The following COL4A2 variants were observed in gnomAD, a reference collection of about 807,000 sequenced individuals.
COL4A2 encodes collagen alpha-2(IV) chain.
In COL4A2, 99 loss-of-function variants were observed where a neutral mutation model predicts 200.2. That is an observed-to-expected ratio of 0.49 (90% CI 0.42 to 0.58). The LOEUF is 0.58. Among genes scored for constraint, COL4A2 ranks in the 20% least tolerant of loss-of-function variants. The pLI, the probability that COL4A2 is intolerant of heterozygous loss-of-function variation, is 0.00. For synonymous variants in COL4A2, 897 were observed against 900.6 expected, an observed-to-expected ratio of 1.00 and a Z score of 0.07; for missense variants, 1,950 against 2,314.1, an observed-to-expected ratio of 0.84 and a Z score of 3.23.
rs376291672 is a variant in COL4A2 at position 110,430,817 on chromosome 13, A to G, written c.648+210A>G. 768 of 815,454 alleles carry G rather than the reference A, an allele frequency of 9.4e-4. 11 individuals carry two copies. Among genetic ancestry groups the G allele is most frequent in the South Asian group, 9.2e-3 (691 of 75,058 alleles). The allele number at this position is 815,454 out of a possible 1,614,324, so 50.5% of individuals were successfully genotyped here. On this transcript the variant is annotated intron_variant, in intron 10 of 47. Coordinates refer to ENST00000360467, the MANE Select transcript of COL4A2 (RefSeq NM_001846.4). Reference sequence around the variant, plus strand: ...AGAATAAGGGCTTAAAATTATGGTCACCAGCTCTCTGCCAGTTATGTCAAA... The same window carrying G: ...AGAATAAGGGCTTAAAATTATGGTCGCCAGCTCTCTGCCAGTTATGTCAAA...
intron 3 of COL4A2, among the ~76,000 whole-genome samples, chr13:110,331,981 C>T (rs754752929): frequency 1.3e-4 from 20 of 152,172 alleles, no homozygotes; most frequent in South Asian, 2.1e-4. Context: ...CTGATGCCTA[C>T]GTTTTATTGT....
intron 13 of COL4A2, among the ~76,000 whole-genome samples, chr13:110,437,692 A>G (rs1055551775): frequency 6.6e-6 from 1 of 152,198 alleles, no homozygotes; most frequent in African/African-American, 2.4e-5. Flanking sequence ...CTCCCACCAT[A>G]CGGATGTAAA....
At chr13:110,332,820 G>A (rs1159489992) in intron 3 of COL4A2, among the ~76,000 whole-genome samples, 1 of 152,206 alleles carries the variant, frequency 6.6e-6, no homozygotes, top group African/African-American at 2.4e-5. Flanking sequence ...TGCATCAACA[G>A]TATTCTCAAA....
intron 4 of COL4A2, among the ~76,000 whole-genome samples, chr13:110,411,481 CAG>C (rs1879835581): frequency 6.6e-6 from 1 of 152,172 alleles, no homozygotes; most frequent in African/African-American, 2.4e-5. Flanking sequence ...TAAAAAGTAA[CAG>C]AAATGGCTTG....
chr13:110,355,325 G>C (rs1877151755), intron 3 of COL4A2, among the ~76,000 whole-genome samples: 2 of 117,050 alleles, frequency 1.7e-5, no homozygotes, highest in South Asian at 4.3e-4. Context: ...CTGTGTGTGG[G>C]AGAGGGCTGC....
At chr13:110,457,991 G>T in intron 21 of COL4A2, 1 of 404,782 alleles carries the variant, frequency 2.5e-6, no homozygotes. Context: ...CTAGCTCGAG[G>T]CCGTCCTCTG....
At chr13:110,497,263 C>G (rs1018207382) in intron 40 of COL4A2, among the ~76,000 whole-genome samples, 11 of 151,864 alleles carry the variant, frequency 7.2e-5, no homozygotes, top group Non-Finnish European at 7.4e-5. Flanking sequence ...ACCAGCACAG[C>G]CTCACTCAGG....
At chr13:110,358,779 T>C (rs1877392848) in intron 4 of COL4A2, among the ~76,000 whole-genome samples, 1 of 152,246 alleles carries the variant, frequency 6.6e-6, no homozygotes, top group South Asian at 2.1e-4. Context: ...CATACTTTGC[T>C]AAGAAATTTA....
chr13:110,512,411 G>A lies in COL4A2; in HGVS notation c.*220G>A. On this transcript the variant is annotated 3_prime_UTR_variant, in exon 48 of 48. Coordinates refer to ENST00000360467, the MANE Select transcript of COL4A2 (RefSeq NM_001846.4). Reference sequence around the variant, plus strand: ...AAGCCCTGCCCACAGAAAGCCAGGAGCAGCCCTGGCCCCCATCAGCCCTGC... The same window carrying A: ...AAGCCCTGCCCACAGAAAGCCAGGAACAGCCCTGGCCCCCATCAGCCCTGC... 1 of 745,776 alleles carries A rather than the reference G, an allele frequency of 1.3e-6. No individual in the cohort carries two copies. Among genetic ancestry groups the A allele is most frequent in the Non-Finnish European group, 2.1e-6 (1 of 475,652 alleles). The allele number at this position is 745,776 out of a possible 1,614,324, so 46.2% of individuals were successfully genotyped here.
chr13:110,334,223 C>T (rs868667349), intron 3 of COL4A2, among the ~76,000 whole-genome samples: 3 of 152,234 alleles, frequency 2.0e-5, no homozygotes, highest in African/African-American at 4.8e-5. Context: ...ACAGTAAAAT[C>T]GGCCTTCTTG....
At chr13:110,349,908 C>G (rs190350075) in intron 3 of COL4A2, among the ~76,000 whole-genome samples, 1 of 152,070 alleles carries the variant, frequency 6.6e-6, no homozygotes, top group Non-Finnish European at 1.5e-5. Context: ...GTATTACAAG[C>G]GTGAGCCACC....
chr13:110,484,769 C>A, intron 32 of COL4A2, 136 bp from the exon 33 acceptor site: 1 of 1,265,026 alleles, frequency 7.9e-7, no homozygotes, highest in Non-Finnish European at 1.0e-6. Flanking sequence ...GCTTCTCCGG[C>A]GCCCTTGGTC....
intron 31 of COL4A2, among the ~76,000 whole-genome samples, chr13:110,481,070 T>C (rs1306421664): frequency 1.5e-4 from 12 of 77,978 alleles, no homozygotes; most frequent in Non-Finnish European, 2.1e-4. Context: ...AGACACACTG[T>C]TCTGTCCCTC....
At chr13:110,317,438 T>C (rs4773154) in intron 3 of COL4A2, among the ~76,000 whole-genome samples, 96,579 of 151,958 alleles carry the variant, frequency 0.64, 31,352 homozygotes, top group Middle Eastern at 0.82. Context: ...GTTTCTTTCT[T>C]CATGGGAGCA....
chr13:110,411,987 G>GAAC (rs1879861008), intron 4 of COL4A2, among the ~76,000 whole-genome samples: 1 of 152,200 alleles, frequency 6.6e-6, no homozygotes, highest in African/African-American at 2.4e-5. Context: ...TCCGAACAGT[G>GAAC]AACAGTCTAG....
rs1245116346 is a variant in COL4A2, at chr13:110,355,456, G to T, written c.100-2016G>T. Among the ~76,000 whole-genome samples, 250 of 111,550 alleles carry T rather than the reference G, an allele frequency of 2.2e-3. 3 individuals carry two copies. The highest frequency in any genetic ancestry group is 7.6e-3 in the African/African-American group (222 of 29,226). The allele number at this position is 111,550 out of a possible 152,430, so 73.2% of individuals were successfully genotyped here. A position where few individuals can be genotyped will look rare whatever the true frequency, so the allele number is the denominator to read the frequency against. Reference sequence around the variant, plus strand: ...TACTAGCTCACCTGTGTGTGTGGGGGAGGGCTGCACTAGCTCACCTGTGTG... The same window carrying T: ...TACTAGCTCACCTGTGTGTGTGGGGTAGGGCTGCACTAGCTCACCTGTGTG... On this transcript the variant is annotated intron_variant, in intron 3 of 47. Transcript: ENST00000360467.
chr13:110,506,159 G>A (rs1177469442), intron 45 of COL4A2, among the ~76,000 whole-genome samples: 1 of 151,980 alleles, frequency 6.6e-6, no homozygotes, highest in African/African-American at 2.4e-5. Flanking sequence ...CAGGCTGCAG[G>A]TGCACTAGGC....
intron 4 of COL4A2, among the ~76,000 whole-genome samples, chr13:110,372,851 G>T (rs747629570): frequency 1.3e-5 from 2 of 152,162 alleles, no homozygotes; most frequent in Non-Finnish European, 2.9e-5. Flanking sequence ...TTTTGTTTGT[G>T]TGTCTAAATT....
chr13:110,464,053 G>A (rs1594087663), intron 24 of COL4A2, among the ~76,000 whole-genome samples: 1 of 152,306 alleles, frequency 6.6e-6, no homozygotes, highest in Non-Finnish European at 1.5e-5. Context: ...GGTGGTGAGT[G>A]TATGTGTGGT....
Sources: gnomAD v4.1 joint callset for allele counts (sites outside exome capture counted in the v4.1 genomes callset) on GRCh38, gnomAD v4.1.1 for gene constraint, MANE v1.5 for transcripts, NCBI Gene and HGNC (gene_info 2026-07-23, HGNC 2026-07-21) for gene names.